The following OSCP1 variants were observed in gnomAD, a reference collection of about 807,000 sequenced individuals.
The protein encoded by OSCP1 is protein OSCP1.
OSCP1 carries 35 observed loss-of-function variants against 45.1 expected under a neutral mutation model. That is an observed-to-expected ratio of 0.78 (90% CI 0.59 to 1.03). The LOEUF (loss-of-function observed/expected upper bound fraction) is 1.03. Ranked by LOEUF, OSCP1 falls within the 50% of genes least tolerant of loss-of-function variation. The pLI is 0.00. For synonymous variants in OSCP1, 179 were observed against 180.1 expected, an observed-to-expected ratio of 0.99 and a Z score of 0.05; for missense variants, 400 against 470.7, an observed-to-expected ratio of 0.85 and a Z score of 1.39.
intron 1 of OSCP1, chr1:36,439,147 T>C (rs1648959273): frequency 2.4e-6 from 1 of 412,526 alleles, no homozygotes; most frequent in Admixed American, 4.1e-5. Flanking sequence ...GGCACTAATG[T>C]GTTGTGCTTC....
Position 36,423,396 on chromosome 1 carries a change from A to G in OSCP1, c.587T>C (p.Val196Ala). 1 of 1,613,642 alleles carries G rather than the reference A, an allele frequency of 6.2e-7. No homozygotes were observed. The highest frequency in any genetic ancestry group is 8.5e-7 in the Non-Finnish European group (1 of 1,179,560). ...GRFVLPVSGPVPWGTEVPGLI... is the reference protein window; with the variant it reads ...GRFVLPVSGPAPWGTEVPGLI... ...TCCTGGAACTTCAGTTCCCCAAGGA[A>G]CAGGCCCGGACACCGGCAACACAAA... The change falls in exon 5 of 10, where the codon GTT becomes GCT. Residue 196 changes from valine to alanine, a missense_variant. Transcript: ENST00000235532.
In OSCP1 at chr1:36,438,283, C is replaced by T. The variant is rs145330792; in HGVS notation, c.267+473G>A. On this transcript the variant is annotated intron_variant, in intron 2 of 9. Coordinates refer to ENST00000235532, the MANE Select transcript of OSCP1 (RefSeq NM_145047.5). ...GGTGAGCCGAGATCACGCCATTGCA[C>T]TCCAGCCTGGGCAACAAGAGCGAAA... Among the ~76,000 whole-genome samples the T allele has an allele frequency of 1.1e-3, 158 of 145,120 alleles. 4 individuals are homozygous for T. In the East Asian group the frequency reaches 0.024, roughly 22 times the overall value.
intron 1 of OSCP1, among the ~76,000 whole-genome samples, chr1:36,442,994 C>T (rs1649293238): frequency 6.6e-6 from 1 of 152,108 alleles, no homozygotes; most frequent in African/African-American, 2.4e-5. Flanking sequence ...AGTGGAGTCT[C>T]GCTCTGTCGC....
At chr1:36,432,379 A>G (rs768218076) in intron 3 of OSCP1, 43 bp downstream of exon 3, 1 of 1,602,184 alleles carries the variant, frequency 6.2e-7, no homozygotes, top group Non-Finnish European at 8.5e-7. Context: ...GGGATGAGAA[A>G]AAGTACTGGG....
chr1:36,419,199 T>A, intron 8 of OSCP1, 145 bp from the exon 9 acceptor site: 2 of 723,172 alleles, frequency 2.8e-6, no homozygotes, highest in Admixed American at 4.2e-5. Flanking sequence ...CTCCCACCAA[T>A]GTACCCTACG....
In OSCP1 at chr1:36,432,493, T is replaced by G. The variant is rs759316663; in HGVS notation, c.364A>C (p.Ile122Leu). ...LLVTFNHLDT[I>L]KGFIRDSPTI... is the part of the protein sequence containing the mutation. ...GGGGAGTCTCGGATGAATCCCTTGATGGTATCCAAGTGATTGAAAGTGACC... is the reference window on the plus strand; with the variant it reads ...GGGGAGTCTCGGATGAATCCCTTGAGGGTATCCAAGTGATTGAAAGTGACC... The change falls in exon 3 of 10, where the codon ATC becomes CTC. Residue 122 changes from isoleucine (I) to leucine (L), a missense_variant. Transcript: ENST00000235532. 26 of 1,613,940 alleles carry G rather than the reference T, an allele frequency of 1.6e-5. No individual in the cohort carries two copies. Among genetic ancestry groups the G allele is most frequent in the Non-Finnish European group, 2.1e-5 (25 of 1,179,962 alleles).
chr1:36,449,129 G>C (rs1337465738), intron 1 of OSCP1, among the ~76,000 whole-genome samples: 2 of 152,210 alleles, frequency 1.3e-5, no homozygotes, highest in Non-Finnish European at 2.9e-5. Context: ...AAGATTAATG[G>C]AGAGAATGTT....
intron 1 of OSCP1, among the ~76,000 whole-genome samples, chr1:36,439,718 G>T (rs908264793): frequency 6.6e-6 from 1 of 152,098 alleles, no homozygotes; most frequent in Non-Finnish European, 1.5e-5. Flanking sequence ...CACCATTTTT[G>T]AATGCCTTAA....
At chr1:36,423,247 G>C in intron 5 of OSCP1, 116 bp downstream of exon 5, 1 of 902,426 alleles carries the variant, frequency 1.1e-6, no homozygotes, top group East Asian at 2.5e-5. Flanking sequence ...TTTTACTGAA[G>C]AAAGAGAAGG....
At chr1:36,428,605 T>C in intron 4 of OSCP1, 13 of 1,155,686 alleles carry the variant, frequency 1.1e-5, no homozygotes, top group Non-Finnish European at 1.5e-5. Flanking sequence ...TTGCCCAAGG[T>C]CATGGAGCTA....
intron 5 of OSCP1, 100 bp downstream of exon 5, chr1:36,423,263 G>T: frequency 1.0e-6 from 1 of 974,012 alleles, no homozygotes; most frequent in Non-Finnish European, 1.7e-6. Flanking sequence ...GAAGGGCTGG[G>T]CAGACTGTGA....
chr1:36,421,866 T>G, intron 7 of OSCP1: 1 of 466,408 alleles, frequency 2.1e-6, no homozygotes, highest in Non-Finnish European at 3.9e-6. Context: ...ATCACGGACC[T>G]AATGGCACTG....
intron 1 of OSCP1, among the ~76,000 whole-genome samples, chr1:36,441,941 A>C (rs9728099): frequency 0.26 from 39,158 of 150,730 alleles, 5,806 homozygotes; most frequent in Middle Eastern, 0.41. Context: ...GAAGAGGCTA[A>C]GGGGGGCCGG....
Position 36,425,933 on chromosome 1 carries a change from T to G in OSCP1, c.517-2467A>C, listed in dbSNP as rs572873296. Among the ~76,000 whole-genome samples, 33 of 151,942 alleles carry G rather than the reference T, an allele frequency of 2.2e-4. No homozygotes were observed. In the East Asian group the frequency reaches 5.8e-3, roughly 27 times the overall value. ...AATGACTGCTGGCATGCCGGGAGTCTGGGGGGAGGCAGGCGTGACTGTGGG... is the reference window on the plus strand; with the variant it reads ...AATGACTGCTGGCATGCCGGGAGTCGGGGGGGAGGCAGGCGTGACTGTGGG... On this transcript the variant is annotated intron_variant, in intron 4 of 9. Transcript: ENST00000235532.
rs1163052860 is a variant in OSCP1, at chr1:36,431,786, C to G, written c.516+16G>C. On this transcript the variant is annotated intron_variant, in intron 4 of 9. Coordinates refer to ENST00000235532, the MANE Select transcript of OSCP1 (RefSeq NM_145047.5). The stretch of plus-strand genomic sequence containing the variant: ...CAGCAGCTCCTGAGTGTTCCCAGGG[C>G]TGCCTATTGACTTACTCGGATGTGC... 6.2e-7 allele frequency: 1 copy of G among 1,612,038 alleles called. No homozygotes were observed. Among genetic ancestry groups the G allele is most frequent in the Admixed American group, 1.7e-5 (1 of 59,896 alleles).
intron 4 of OSCP1, among the ~76,000 whole-genome samples, chr1:36,427,299 C>CTTTTTTTTTTT (rs71053929): frequency 0.15 from 14,582 of 95,304 alleles, 2,090 homozygotes; most frequent in South Asian, 0.25. Flanking sequence ...GGCGCCTGGC[C>CTTTTTTTTTTT]TTTTTTTTTT....
intron 2 of OSCP1, among the ~76,000 whole-genome samples, chr1:36,436,401 C>T (rs572912361): frequency 3.9e-5 from 6 of 152,106 alleles, no homozygotes; most frequent in South Asian, 4.1e-4. Flanking sequence ...TGAGCCACCG[C>T]GCCCGGCCCT....
intron 4 of OSCP1, chr1:36,428,454 T>C: frequency 1.2e-6 from 2 of 1,613,836 alleles, no homozygotes; most frequent in Non-Finnish European, 1.7e-6. Flanking sequence ...GTTTCTTGCA[T>C]ATGCTTCCAG....
intron 1 of OSCP1, among the ~76,000 whole-genome samples, chr1:36,448,711 A>C (rs931368860): frequency 2.6e-5 from 4 of 152,224 alleles, no homozygotes; most frequent in Non-Finnish European, 5.9e-5. Context: ...AGGGATGGGA[A>C]TTACTAGCAC....
Sources: gnomAD v4.1 joint callset for allele counts (sites outside exome capture counted in the v4.1 genomes callset) on GRCh38, gnomAD v4.1.1 for gene constraint, MANE v1.5 for transcripts, NCBI Gene and HGNC (gene_info 2026-07-23, HGNC 2026-07-21) for gene names.